TMEM132B: variants seen among roughly 807,000 people sequenced by gnomAD.
The protein encoded by TMEM132B is transmembrane protein 132B.
TMEM132B carries 18 observed loss-of-function variants against 90.8 expected under a neutral mutation model. The ratio of observed to expected loss-of-function variants is 0.20; its 90% CI spans 0.14 to 0.29. The LOEUF (loss-of-function observed/expected upper bound fraction) is 0.29, where lower values mean the gene tolerates loss of function less well. Among genes scored for constraint, TMEM132B ranks in the 10% least tolerant of loss-of-function variants. The pLI is 1.00. For synonymous variants in TMEM132B, 504 were observed against 523.3 expected, an observed-to-expected ratio of 0.96 and a Z score of 0.50; for missense variants, 1,096 against 1,326.8, an observed-to-expected ratio of 0.83 and a Z score of 2.70.
At chr12:125,474,046 CCTT>C (rs569784269) in intron 3 of TMEM132B, among the ~76,000 whole-genome samples, 7 of 145,212 alleles carry the variant, frequency 4.8e-5, no homozygotes, top group South Asian at 2.3e-4. Flanking sequence ...TTCCTTCCTT[CCTT>C]CTTTCTTTTT....
At chr12:125,322,041 G>A (rs913121168) in intron 1 of TMEM132B, among the ~76,000 whole-genome samples, 11 of 152,208 alleles carry the variant, frequency 7.2e-5, no homozygotes, top group South Asian at 2.1e-4. Flanking sequence ...AAAAGAAGTC[G>A]GGCACAAAGG....
chr12:125,527,290 CCTTCCATCCACCCTCCACT>C (rs1194344225), intron 4 of TMEM132B, among the ~76,000 whole-genome samples: 7 of 134,194 alleles, frequency 5.2e-5, no homozygotes, highest in Non-Finnish European at 1.6e-5. Flanking sequence ...ACCCATCCAC[CCTTCCATCCACCCTCCACT>C]CTTCCATCCA....
intron 5 of TMEM132B, among the ~76,000 whole-genome samples, chr12:125,606,731 C>T (rs987977587): frequency 6.6e-6 from 1 of 152,214 alleles, no homozygotes; most frequent in Admixed American, 6.5e-5. Flanking sequence ...CCTGCCTCCT[C>T]CTCAGGCAGC....
chr12:125,365,155 C>A (rs571590467), intron 2 of TMEM132B, among the ~76,000 whole-genome samples: 5 of 151,706 alleles, frequency 3.3e-5, no homozygotes, highest in African/African-American at 7.2e-5. Context: ...GCATTATTTG[C>A]ATACTTTTAA....
chr12:125,415,733 C>T lies in TMEM132B; in HGVS notation c.1106+56C>T. ...CAGTGGGGAGGAGGGGAGTGGCTGC[C>T]AGAGCTGATAGCAAAATAATGTGCG... On this transcript the variant is annotated intron_variant, in intron 3 of 8. Transcript: ENST00000682704. The surrounding 1 kb of genome is among the most constrained non-coding windows in gnomAD (Gnocchi z 5.3). 2 of 1,588,804 alleles carry T rather than the reference C, an allele frequency of 1.3e-6. No individual in the cohort carries two copies. The highest frequency in any genetic ancestry group is 1.8e-5 in the Admixed American group (1 of 56,338).
At chr12:125,488,964 G>A (rs1466378828) in intron 3 of TMEM132B, among the ~76,000 whole-genome samples, 1 of 152,192 alleles carries the variant, frequency 6.6e-6, no homozygotes, top group South Asian at 2.1e-4. Context: ...AAAGATCTTC[G>A]GAATAAGGCT....
At chr12:125,312,387 T>C (rs1876144437) in intron 1 of TMEM132B, among the ~76,000 whole-genome samples, 1 of 152,258 alleles carries the variant, frequency 6.6e-6, no homozygotes, top group Admixed American at 6.5e-5. Context: ...CAGATTCATC[T>C]GGTACATGTC....
intron 5 of TMEM132B, among the ~76,000 whole-genome samples, chr12:125,596,975 A>G (rs1198706481): frequency 6.6e-6 from 1 of 152,198 alleles, no homozygotes; most frequent in African/African-American, 2.4e-5. Context: ...AAGTGTCCCT[A>G]GGTGACAAAA....
intron 3 of TMEM132B, among the ~76,000 whole-genome samples, chr12:125,483,798 G>A (rs11058197): frequency 0.32 from 48,691 of 151,986 alleles, 8,006 homozygotes; most frequent in East Asian, 0.52. Context: ...ATATTGACTC[G>A]TTTCTCAATC....
chr12:125,264,484 C>T lies in TMEM132B; in HGVS notation c.67+77618C>T, dbSNP rs139560470. Among the ~76,000 whole-genome samples the T allele has an allele frequency of 3.0e-3, 454 of 152,276 alleles. 1 individual carries two copies. Among genetic ancestry groups the T allele is most frequent in the Middle Eastern group, 0.024 (7 of 294 alleles). ...CTTTGGCAGCCTGGAGGGGCCCAAGCGAAGCAAGGTGGACCATTCTGGGCA... is the reference window on the plus strand; with the variant it reads ...CTTTGGCAGCCTGGAGGGGCCCAAGTGAAGCAAGGTGGACCATTCTGGGCA... On this transcript the variant is annotated intron_variant, in intron 1 of 8. Coordinates refer to ENST00000682704, the MANE Select transcript of TMEM132B (RefSeq NM_001366854.1).
At chr12:125,559,985 A>G (rs1401632751) in intron 4 of TMEM132B, among the ~76,000 whole-genome samples, 1 of 152,208 alleles carries the variant, frequency 6.6e-6, no homozygotes, top group Non-Finnish European at 1.5e-5. Context: ...GTTCGAATCC[A>G]GCGCTGCCAG....
At chr12:125,308,012 G>A (rs2136172961) in intron 1 of TMEM132B, among the ~76,000 whole-genome samples, 1 of 128,090 alleles carries the variant, frequency 7.8e-6, no homozygotes, top group South Asian at 2.5e-4. Context: ...AGTAATATAA[G>A]TATATATAAG....
chr12:125,313,326 T>A (rs942737940), intron 1 of TMEM132B, among the ~76,000 whole-genome samples: 1 of 152,190 alleles, frequency 6.6e-6, no homozygotes, highest in Non-Finnish European at 1.5e-5. Context: ...CCTAGATGGT[T>A]AGTTATATGA....
chr12:125,350,643 G>T (rs10846878), intron 2 of TMEM132B, among the ~76,000 whole-genome samples: 48,898 of 152,118 alleles, frequency 0.32, 9,474 homozygotes, highest in East Asian at 0.41. Context: ...GTGAGTGCAA[G>T]GAGGCCAGCT....
intron 1 of TMEM132B, among the ~76,000 whole-genome samples, chr12:125,307,056 GTGGCCCT>G (rs1374901237): frequency 6.6e-6 from 1 of 152,128 alleles, no homozygotes; most frequent in Non-Finnish European, 1.5e-5. Context: ...CTTTATGATG[GTGGCCCT>G]TGGCCTGAGG....
At chr12:125,607,359 T>C (rs1473239797) in intron 5 of TMEM132B, among the ~76,000 whole-genome samples, 5 of 152,218 alleles carry the variant, frequency 3.3e-5, no homozygotes, top group African/African-American at 1.2e-4. Context: ...ATAGCATTTA[T>C]GGACAGAAAA....
At chr12:125,508,352 T>G (rs753622447) in intron 3 of TMEM132B, among the ~76,000 whole-genome samples, 4 of 152,256 alleles carry the variant, frequency 2.6e-5, no homozygotes, top group Non-Finnish European at 4.4e-5. Flanking sequence ...ATCTCATTGT[T>G]ACAGTTCCCT....
chr12:125,349,443 C>G lies in TMEM132B; in HGVS notation c.68-9C>G. 6.3e-7 allele frequency: 1 copy of G among 1,595,046 alleles called. No homozygotes were observed. Among genetic ancestry groups the G allele is most frequent in the Non-Finnish European group, 8.5e-7 (1 of 1,170,522 alleles). On this transcript the variant is annotated splice_polypyrimidine_tract_variant and intron_variant, in intron 1 of 8. Transcript: ENST00000682704. The surrounding 1 kb of genome is among the most constrained non-coding windows in gnomAD (Gnocchi z 4.1). ...CGGTTTTATTCTTTTGCTTTCCTTT[C>G]TTGTGCAGTGACAGAGAGTCGAGGG... is the stretch of plus-strand genomic sequence containing the variant.
intron 2 of TMEM132B, among the ~76,000 whole-genome samples, chr12:125,382,421 G>A (rs186571493): frequency 7.6e-4 from 116 of 152,260 alleles, no homozygotes; most frequent in African/African-American, 2.7e-3. Context: ...ACACAAAGAA[G>A]GCATATTCTT....
Sources: gnomAD v4.1 joint callset for allele counts (sites outside exome capture counted in the v4.1 genomes callset) on GRCh38, gnomAD v4.1.1 for gene constraint, Gnocchi (gnomAD v3.1) non-coding constraint, MANE v1.5 for transcripts, NCBI Gene and HGNC (gene_info 2026-07-23, HGNC 2026-07-21) for gene names.